The following ADGRF5 variants were observed in gnomAD, a reference collection of about 807,000 sequenced individuals.
The protein encoded by ADGRF5 is adhesion G protein-coupled receptor F5, also known as G-protein coupled receptor 116.
A neutral mutation model predicts 132.3 loss-of-function variants in ADGRF5; 75 were observed. The observed-to-expected ratio is 0.57, with a 90% confidence interval of 0.47 to 0.69. The LOEUF (loss-of-function observed/expected upper bound fraction) is 0.69, where lower values mean the gene tolerates loss of function less well. Ranked by LOEUF, ADGRF5 falls within the 30% of genes least tolerant of loss-of-function variation. The probability of loss-of-function intolerance (pLI) is 0.00; values close to 1 mark genes in which losing one functional copy is unlikely to be tolerated. For missense variants in ADGRF5, 1,516 were observed against 1,630.6 expected, an observed-to-expected ratio of 0.93 and a Z score of 1.21; for synonymous variants, 629 against 597.6, an observed-to-expected ratio of 1.05 and a Z score of -0.77.
At chr6:46,929,458 G>T (rs994844287) in intron 1 of ADGRF5, among the ~76,000 whole-genome samples, 1 of 148,692 alleles carries the variant, frequency 6.7e-6, no homozygotes, top group South Asian at 2.1e-4. Context: ...AAACCTGCAC[G>T]TTGTGCACAT....
intron 15 of ADGRF5, among the ~76,000 whole-genome samples, chr6:46,862,384 A>T (rs569003063): frequency 6.6e-6 from 1 of 152,350 alleles, no homozygotes; most frequent in South Asian, 2.1e-4. Context: ...TATAGGTAAG[A>T]GAGGCAGGGT....
chr6:46,855,526 G>C (rs1388072245), intron 20 of ADGRF5, among the ~76,000 whole-genome samples: 3 of 151,952 alleles, frequency 2.0e-5, no homozygotes. Context: ...TTTATAAAAA[G>C]AACAAAAAAG....
intron 1 of ADGRF5, among the ~76,000 whole-genome samples, chr6:46,934,998 CTTTTTTTTTTT>C (rs56982002): frequency 2.9e-3 from 251 of 86,698 alleles, no homozygotes; most frequent in African/African-American, 0.011. Flanking sequence ...GGTGATAGTT[CTTTTTTTTTTT>C]TTTTTTTTTT....
At chr6:46,911,473 T>C (rs1775945299) in intron 1 of ADGRF5, among the ~76,000 whole-genome samples, 2 of 152,220 alleles carry the variant, frequency 1.3e-5, no homozygotes, top group South Asian at 4.1e-4. Context: ...TATCATTTAT[T>C]TGGTTTATTA....
In ADGRF5 at chr6:46,939,272, T is replaced by G. The variant is rs531631334; in HGVS notation, c.-25+15462A>C. Among the ~76,000 whole-genome samples the G allele has an allele frequency of 8.5e-5, 13 of 152,242 alleles. No individual in the cohort carries two copies. The East Asian group carries it at 2.3e-3, about 27-fold the overall frequency. Reference sequence around the variant, plus strand: ...GGGCAGGAATCTTGCTTTAACATGGTTCGTTGAGTGGCCAGTTTCAGGGTA... The same window carrying G: ...GGGCAGGAATCTTGCTTTAACATGGGTCGTTGAGTGGCCAGTTTCAGGGTA... On this transcript the variant is annotated intron_variant, in intron 1 of 20. Transcript: ENST00000265417.
At position 46,868,953 on chromosome 6, in the gene ADGRF5, A is replaced by T; in HGVS notation, c.1551T>A (p.Tyr517Ter). 6.2e-7 allele frequency: 1 copy of T among 1,613,432 alleles called. No individual in the cohort carries two copies. The highest frequency in any genetic ancestry group is 8.5e-7 in the Non-Finnish European group (1 of 1,179,346). ...CTCCATCAAGATACCTCCTCGTGGTATAAAATCTTTGGTATATTTTAATTC... is the reference window on the plus strand; with the variant it reads ...CTCCATCAAGATACCTCCTCGTGGTTTAAAATCTTTGGTATATTTTAATTC... ...SAGIKIYQRF[Y>*]TTRRYLDGAE... Residue 517 changes from tyrosine (Y) to a stop codon, truncating the protein, a stop_gained, in exon 12 of 21, where the codon TAT (tyrosine) becomes TAA (stop). Transcript: ENST00000283296. LOFTEE classifies it high-confidence loss of function.
At position 46,947,606 on chromosome 6, in the gene ADGRF5, C is replaced by G. The variant is rs562246091; in HGVS notation, c.-25+7128G>C. Among the ~76,000 whole-genome samples the G allele has an allele frequency of 1.4e-4, 21 of 152,272 alleles. No homozygotes were observed. In the South Asian group the frequency reaches 2.5e-3, roughly 18 times the overall value. On this transcript the variant is annotated intron_variant, in intron 1 of 20. Transcript: ENST00000265417. ...TTAAGTAAGGATCTCTAGTAATGCTCCAACTTGTTCTTTGAGGAGTAACAA... is the reference window on the plus strand; with the variant it reads ...TTAAGTAAGGATCTCTAGTAATGCTGCAACTTGTTCTTTGAGGAGTAACAA...
intron 1 of ADGRF5, among the ~76,000 whole-genome samples, chr6:46,911,058 G>A (rs1300996464): frequency 6.6e-6 from 1 of 152,042 alleles, no homozygotes. Flanking sequence ...CACAGTCTAG[G>A]CCTTCTCTGC....
Position 46,860,765 on chromosome 6 carries a change from G to A in ADGRF5, c.2329C>T (p.Leu777Phe). 6.2e-7 allele frequency: 1 copy of A among 1,613,876 alleles called. No individual in the cohort carries two copies. The highest frequency in any genetic ancestry group is 8.5e-7 in the Non-Finnish European group (1 of 1,179,750). ...GTTGGAACTGTTGAGAGCAGATCAA[G>A]GATGTTAATAATGGCTCCCAGACTC... ...PGSLGAIINI[L>F]DLLSTVPTQV... Residue 777 changes from leucine to phenylalanine, a missense_variant, in exon 16 of 21, where the codon CTT becomes TTT. Physicochemically the swap from Leu to Phe is conservative, Grantham distance 22 (BLOSUM62 0). Coordinates refer to ENST00000283296, the MANE Select transcript of ADGRF5 (RefSeq NM_001098518.2).
chr6:46,888,563 A>G, intron 3 of ADGRF5, 58 bp from the exon 4 acceptor site: 1 of 1,176,762 alleles, frequency 8.5e-7, no homozygotes, highest in Non-Finnish European at 1.3e-6. Context: ...GAGTAAGATC[A>G]TGATGGATAT....
At chr6:46,877,297 CT>C (rs1562174853) in intron 10 of ADGRF5, among the ~76,000 whole-genome samples, 72 of 95,148 alleles carry the variant, frequency 7.6e-4, no homozygotes, top group Middle Eastern at 5.6e-3. Flanking sequence ...CTTTCTCTCT[CT>C]CTCTCTCTTT....
intron 3 of ADGRF5, among the ~76,000 whole-genome samples, chr6:46,890,706 A>C (rs376577838): frequency 6.6e-6 from 1 of 152,002 alleles, no homozygotes; most frequent in Non-Finnish European, 1.5e-5. Context: ...GGCGAGAGAC[A>C]CTCTATCTCA....
At chr6:46,892,389 A>T (rs1256239418) in intron 3 of ADGRF5, among the ~76,000 whole-genome samples, 1 of 152,216 alleles carries the variant, frequency 6.6e-6, no homozygotes, top group African/African-American at 2.4e-5. Context: ...AGGCAAAATG[A>T]TTAATAATAA....
chr6:46,944,618 T>C (rs186409528), intron 1 of ADGRF5, among the ~76,000 whole-genome samples: 1 of 152,230 alleles, frequency 6.6e-6, no homozygotes, highest in Non-Finnish European at 1.5e-5. Context: ...TTGCACAAAC[T>C]GTGCTTTGCA....
chr6:46,890,036 GTTAATAC>G (rs751750334), intron 3 of ADGRF5, among the ~76,000 whole-genome samples: 9 of 152,056 alleles, frequency 5.9e-5, no homozygotes, highest in Non-Finnish European at 1.2e-4. Flanking sequence ...CATGGCCACA[GTTAATAC>G]TTAATAAAGA....
intron 1 of ADGRF5, among the ~76,000 whole-genome samples, chr6:46,933,060 C>T (rs1312664074): frequency 2.0e-5 from 3 of 152,056 alleles, no homozygotes; most frequent in Admixed American, 6.6e-5. Flanking sequence ...GAATGGAAAA[C>T]GAAGCATATA....
At chr6:46,859,706 C>T (rs1769505399) in intron 16 of ADGRF5, among the ~76,000 whole-genome samples, 183 bp from the exon 17 acceptor site, 1 of 152,066 alleles carries the variant, frequency 6.6e-6, no homozygotes, top group Admixed American at 6.6e-5. Context: ...AAGGATGGGT[C>T]CCCAAGACTG....
At chr6:46,946,533 C>A (rs887483374) in intron 1 of ADGRF5, among the ~76,000 whole-genome samples, 15 of 152,128 alleles carry the variant, frequency 9.9e-5, no homozygotes, top group African/African-American at 3.1e-4. Context: ...GGAAGAGCTT[C>A]TGCTCCTATT....
At chr6:46,896,465 G>T (rs1160774460) in intron 3 of ADGRF5, among the ~76,000 whole-genome samples, 1 of 151,986 alleles carries the variant, frequency 6.6e-6, no homozygotes, top group Non-Finnish European at 1.5e-5. Flanking sequence ...ACCTTCTCTG[G>T]ACTGGAGGTA....
Sources: allele counts gnomAD v4.1 joint callset (sites outside exome capture counted in the v4.1 genomes callset), GRCh38; gene constraint gnomAD v4.1.1; transcripts MANE v1.5; gene names NCBI Gene and HGNC (gene_info 2026-07-23, HGNC 2026-07-21).